KCNQ1: variants seen among roughly 807,000 people sequenced by gnomAD.
KCNQ1 encodes potassium voltage-gated channel subfamily KQT member 1.
Under a neutral mutation model 72.4 loss-of-function variants are expected in KCNQ1, and 49 were observed. That is an observed-to-expected ratio of 0.68 (90% CI 0.54 to 0.86). The LOEUF is 0.86. Ranked by LOEUF, KCNQ1 falls within the 40% of genes least tolerant of loss-of-function variation. The pLI, the probability that KCNQ1 is intolerant of heterozygous loss-of-function variation, is 0.00. For synonymous variants in KCNQ1, 450 were observed against 412.6 expected, an observed-to-expected ratio of 1.09 and a Z score of -1.10; for missense variants, 790 against 945.1, an observed-to-expected ratio of 0.84 and a Z score of 2.15.
chr11:2,467,592 G>C (rs895003782), intron 1 of KCNQ1, among the ~76,000 whole-genome samples: 1 of 152,170 alleles, frequency 6.6e-6, no homozygotes, highest in South Asian at 2.1e-4. Flanking sequence ...GCTGGGGAAG[G>C]CTGGGAGCTG....
chr11:2,588,675 G>T lies in KCNQ1; in HGVS notation c.1252-38G>T. On this transcript the variant is annotated intron_variant, in intron 9 of 15. Coordinates refer to ENST00000155840, the MANE Select transcript of KCNQ1 (RefSeq NM_000218.3). This position sits in a 1 kb window ranked among gnomAD's most constrained non-coding sequence, Gnocchi z 5.6. ...GCCGGCGTAGGGCCTGGCAGACGAT[G>T]TCCAGGAACCGCTAATCTGTTGTCT... is the stretch of plus-strand genomic sequence containing the variant. The T allele has an allele frequency of 6.2e-7, 1 of 1,611,574 alleles. No homozygotes were observed. Among genetic ancestry groups the T allele is most frequent in the Non-Finnish European group, 8.5e-7 (1 of 1,179,816 alleles).
chr11:2,688,588 AC>A (rs1850533238), intron 11 of KCNQ1: 4 of 398,582 alleles, frequency 1.0e-5, no homozygotes. Context: ...GTGCTCGCTC[AC>A]TGAGGCCAGG....
At chr11:2,573,137 G>A (rs1393069268) in intron 6 of KCNQ1, 151 bp downstream of exon 6, 9 of 956,388 alleles carry the variant, frequency 9.4e-6, no homozygotes, top group African/African-American at 8.2e-5. Flanking sequence ...CCTGTGCTTG[G>A]AGCCGCTGGC....
intron 11 of KCNQ1, among the ~76,000 whole-genome samples, chr11:2,727,181 C>T (rs1245079132): frequency 6.6e-6 from 1 of 152,180 alleles, no homozygotes; most frequent in Non-Finnish European, 1.5e-5. Flanking sequence ...TCTGGAGCAA[C>T]AGAGGCCTCA....
intron 1 of KCNQ1, among the ~76,000 whole-genome samples, chr11:2,456,669 C>T (rs1022514467): frequency 5.3e-5 from 8 of 150,852 alleles, no homozygotes; most frequent in Non-Finnish European, 8.9e-5. Flanking sequence ...CGCCTGTAAT[C>T]CCAGCACGTT....
intron 15 of KCNQ1, among the ~76,000 whole-genome samples, chr11:2,844,254 T>C (rs997600241): frequency 6.6e-6 from 1 of 152,176 alleles, no homozygotes; most frequent in Non-Finnish European, 1.5e-5. Context: ...AGCCCAGGCC[T>C]GGGCCCTTCC....
intron 10 of KCNQ1, chr11:2,609,916 G>C (rs1331289301): frequency 2.5e-6 from 1 of 397,854 alleles, no homozygotes; most frequent in African/African-American, 2.1e-5. Context: ...TCTAAAGTGT[G>C]CCTCATATAG....
At position 2,564,075 on chromosome 11, in the gene KCNQ1, C is replaced by G. The variant is rs1257095363; in HGVS notation, c.478-6553C>G. Among the ~76,000 whole-genome samples, 1 of 152,240 alleles carries G rather than the reference C, an allele frequency of 6.6e-6. No individual in the cohort carries two copies. Among genetic ancestry groups the G allele is most frequent in the Non-Finnish European group, 1.5e-5 (1 of 68,046 alleles). On this transcript the variant is annotated intron_variant, in intron 2 of 15. Coordinates refer to ENST00000155840, the MANE Select transcript of KCNQ1 (RefSeq NM_000218.3). The surrounding 1 kb of genome is among the most constrained non-coding windows in gnomAD (Gnocchi z 4.5). The stretch of plus-strand genomic sequence containing the variant: ...ACGGGCCAGGGCCCCTCGAGGCACT[C>G]ATTTCAGTATCAGAGAACACACATA...
At chr11:2,504,675 C>T (rs915184140) in intron 1 of KCNQ1, among the ~76,000 whole-genome samples, 4 of 152,186 alleles carry the variant, frequency 2.6e-5, no homozygotes, top group Admixed American at 6.5e-5. Flanking sequence ...GAGAATCACT[C>T]GAACTCAGGA....
At chr11:2,637,932 T>C (rs1435942666) in intron 10 of KCNQ1, 1 of 152,242 alleles carries the variant, frequency 6.6e-6, no homozygotes, top group Non-Finnish European at 1.5e-5. Flanking sequence ...TTTACCATTA[T>C]GTAATGACCT....
At position 2,458,881 on chromosome 11, in the gene KCNQ1, C is replaced by T. The variant is rs560677183; in HGVS notation, c.386+13397C>T. Among the ~76,000 whole-genome samples the T allele has an allele frequency of 1.2e-4, 18 of 152,214 alleles. No homozygotes were observed. Among genetic ancestry groups the T allele is most frequent in the African/African-American group, 4.3e-4 (18 of 41,454 alleles). On this transcript the variant is annotated intron_variant, in intron 1 of 15. Transcript: ENST00000155840. The surrounding 1 kb of genome is among the most constrained non-coding windows in gnomAD (Gnocchi z 4.6). ...ATAACGGAGAGAAGGAGGAAAGAAT[C>T]ACCTATCCACCAATTGTGACATATG...
At position 2,668,016 on chromosome 11, in the gene KCNQ1, T is replaced by C; in HGVS notation, c.1514+5935T>C. On this transcript the variant is annotated intron_variant, in intron 11 of 15. Transcript: ENST00000155840. The surrounding 1 kb of genome is among the most constrained non-coding windows in gnomAD (Gnocchi z 4.3). ...CCTTGAGATTAACCACAGGCCTAAC[T>C]GCTAGCAGCAAGGACCAGCTTTGCC... is the stretch of plus-strand genomic sequence containing the variant. 2 of 398,616 alleles carry C rather than the reference T, an allele frequency of 5.0e-6. No individual in the cohort carries two copies. Among genetic ancestry groups the C allele is most frequent in the Non-Finnish European group, 4.4e-6 (1 of 226,064 alleles). 24.7% of individuals were successfully genotyped at this position (398,616 alleles called of 1,614,324 possible).
chr11:2,736,805 CT>C (rs1845965990), intron 11 of KCNQ1, among the ~76,000 whole-genome samples: 1 of 152,244 alleles, frequency 6.6e-6, no homozygotes, highest in Admixed American at 6.5e-5. Context: ...TGCGCCTCTG[CT>C]GGGCCTGGTG....
At position 2,683,719 on chromosome 11, in the gene KCNQ1, T is replaced by A; in HGVS notation, c.1514+21638T>A. On this transcript the variant is annotated intron_variant, in intron 11 of 15. Transcript: ENST00000155840. The surrounding 1 kb of genome is among the most constrained non-coding windows in gnomAD (Gnocchi z 4.7). ...GGGACTCAGGCCTTTCCTTACTCCC[T>A]CTGGTTACCTAGCTTTAGCTCTGAG... 1 of 398,610 alleles carries A rather than the reference T, an allele frequency of 2.5e-6. No individual in the cohort carries two copies. The highest frequency in any genetic ancestry group is 3.6e-5 in the East Asian group (1 of 28,078). The allele number at this position is 398,610 out of a possible 1,614,324, so 24.7% of individuals were successfully genotyped here. A position where few individuals can be genotyped will look rare whatever the true frequency, so the allele number is the denominator to read the frequency against.
Position 2,471,782 on chromosome 11 carries a change from T to C in KCNQ1, c.386+26298T>C, listed in dbSNP as rs1467751735. Among the ~76,000 whole-genome samples, 1 of 147,112 alleles carries C rather than the reference T, an allele frequency of 6.8e-6. No homozygotes were observed. The highest frequency in any genetic ancestry group is 1.5e-5 in the Non-Finnish European group (1 of 66,938). On this transcript the variant is annotated intron_variant, in intron 1 of 15. Coordinates refer to ENST00000155840, the MANE Select transcript of KCNQ1 (RefSeq NM_000218.3). The surrounding 1 kb of genome is among the most constrained non-coding windows in gnomAD (Gnocchi z 4.8). ...CTTGTGTATGGGTGTGTGCATGTGA[T>C]TGGGTGTGTGCATGTGTATATAGGT...
chr11:2,650,540 G>A (rs771958326), intron 10 of KCNQ1: 5 of 398,556 alleles, frequency 1.3e-5, no homozygotes, highest in Non-Finnish European at 2.2e-5. Context: ...GTATCTGCAA[G>A]TTCATCAGTG....
At chr11:2,807,454 C>A (rs533761768) in intron 15 of KCNQ1, among the ~76,000 whole-genome samples, 9 of 152,214 alleles carry the variant, frequency 5.9e-5, no homozygotes, top group Admixed American at 1.3e-4. Flanking sequence ...CTCGCCCCCC[C>A]ACTCCGGGCC....
intron 8 of KCNQ1, among the ~76,000 whole-genome samples, chr11:2,586,450 G>A (rs889067196): frequency 5.9e-5 from 9 of 152,200 alleles, no homozygotes; most frequent in East Asian, 1.9e-4. Flanking sequence ...CATGCTGGCC[G>A]CCCACGCCTG....
chr11:2,629,519 T>G, intron 10 of KCNQ1: 1 of 398,408 alleles, frequency 2.5e-6, no homozygotes, highest in Non-Finnish European at 4.4e-6. Context: ...TGGAGTTAGG[T>G]AAAGGTCTCG....
Sources: gnomAD v4.1 joint callset for allele counts (sites outside exome capture counted in the v4.1 genomes callset) on GRCh38, gnomAD v4.1.1 for gene constraint, Gnocchi (gnomAD v3.1) non-coding constraint, MANE v1.5 for transcripts, NCBI Gene and HGNC (gene_info 2026-07-23, HGNC 2026-07-21) for gene names.